Variants in GAB2 observed in about 807,000 individuals in gnomAD.
GAB2 encodes the protein GRB2 associated binding protein 2.
A neutral mutation model predicts 65.5 loss-of-function variants in GAB2; 26 were observed. The observed-to-expected ratio is 0.40, with a 90% CI of 0.29 to 0.55. The LOEUF (loss-of-function observed/expected upper bound fraction) is 0.55. Ranked by LOEUF, GAB2 falls within the 20% of genes least tolerant of loss-of-function variation. The pLI, the probability that GAB2 is intolerant of heterozygous loss-of-function variation, is 0.53. For synonymous variants in GAB2, 321 were observed against 329.6 expected, an observed-to-expected ratio of 0.97 and a Z score of 0.28; for missense variants, 884 against 875.8, an observed-to-expected ratio of 1.01 and a Z score of -0.12.
intron 1 of GAB2, among the ~76,000 whole-genome samples, chr11:78,356,799 A>G (rs73500958): frequency 0.028 from 4,311 of 152,330 alleles, 171 homozygotes; most frequent in African/African-American, 0.091. Flanking sequence ...TTATAGATAC[A>G]ATGGAATATG....
At chr11:78,246,858 C>G (rs577490172) in intron 3 of GAB2, among the ~76,000 whole-genome samples, 2 of 152,200 alleles carry the variant, frequency 1.3e-5, no homozygotes, top group East Asian at 3.9e-4. Context: ...AGTTCTGTCT[C>G]TCCTCCTGTG....
At chr11:78,369,246 A>G (rs890695741) in intron 1 of GAB2, among the ~76,000 whole-genome samples, 15 of 152,088 alleles carry the variant, frequency 9.9e-5, no homozygotes, top group Non-Finnish European at 1.9e-4. Context: ...CAATCATTGC[A>G]TTAGAAACTT....
intron 1 of GAB2, among the ~76,000 whole-genome samples, chr11:78,386,571 G>C (rs1396906959): frequency 1.3e-5 from 2 of 152,218 alleles, no homozygotes; most frequent in African/African-American, 4.8e-5. Context: ...AGGGCCTAAA[G>C]GGAGGCCTGT....
At chr11:78,356,182 GAA>G (rs372223300) in intron 1 of GAB2, among the ~76,000 whole-genome samples, 3 of 123,012 alleles carry the variant, frequency 2.4e-5, no homozygotes, top group Non-Finnish European at 3.6e-5. Flanking sequence ...CAAAAAAAAA[GAA>G]AAAAAAAAAA....
intron 3 of GAB2, among the ~76,000 whole-genome samples, chr11:78,241,609 A>G (rs1424656406): frequency 6.7e-6 from 1 of 149,000 alleles, no homozygotes; most frequent in South Asian, 2.1e-4. Context: ...AAAAAAGAGA[A>G]AGAAAAAAAA....
At chr11:78,324,186 A>C (rs990811732) in intron 1 of GAB2, among the ~76,000 whole-genome samples, 3 of 152,102 alleles carry the variant, frequency 2.0e-5, no homozygotes, top group African/African-American at 7.2e-5. Context: ...ATAAGTACAC[A>C]GGAGGAGACA....
chr11:78,268,899 G>C (rs1865938195), intron 2 of GAB2, among the ~76,000 whole-genome samples: 1 of 152,136 alleles, frequency 6.6e-6, no homozygotes, highest in Non-Finnish European at 1.5e-5. Flanking sequence ...CATTTGCGAG[G>C]ATTTTATGGA....
At chr11:78,297,598 C>T (rs1046944465) in intron 1 of GAB2, among the ~76,000 whole-genome samples, 7 of 151,918 alleles carry the variant, frequency 4.6e-5, no homozygotes, top group African/African-American at 1.2e-4. Flanking sequence ...GAAGAGGAAG[C>T]GAGCTTGGGT....
intron 1 of GAB2, among the ~76,000 whole-genome samples, chr11:78,291,555 CTTT>C (rs796161663): frequency 1.8e-5 from 1 of 55,046 alleles, no homozygotes; most frequent in African/African-American, 6.4e-5. Flanking sequence ...TTACTTTTTT[CTTT>C]TTCTTTTTTT....
intron 1 of GAB2, among the ~76,000 whole-genome samples, chr11:78,351,213 T>C (rs939465732): frequency 6.6e-6 from 1 of 151,912 alleles, no homozygotes; most frequent in Non-Finnish European, 1.5e-5. Flanking sequence ...GAGCCCATTC[T>C]CAGTATTAGA....
intron 1 of GAB2, among the ~76,000 whole-genome samples, chr11:78,355,193 G>A (rs1358458659): frequency 3.3e-5 from 5 of 152,180 alleles, no homozygotes; most frequent in African/African-American, 1.2e-4. Context: ...CACTTTATGT[G>A]ACTTGAGGGA....
At chr11:78,259,513 T>A (rs1045666622) in intron 2 of GAB2, among the ~76,000 whole-genome samples, 1 of 152,214 alleles carries the variant, frequency 6.6e-6, no homozygotes, top group South Asian at 2.1e-4. Context: ...AGGGCAAGAC[T>A]GGATCCAAAG....
intron 1 of GAB2, among the ~76,000 whole-genome samples, chr11:78,306,806 C>G (rs1591021991): frequency 6.6e-6 from 1 of 152,290 alleles, no homozygotes; most frequent in Middle Eastern, 3.4e-3. Flanking sequence ...CTGCATGACC[C>G]TAATGAGTCA....
At chr11:78,278,181 T>C (rs1866228122) in intron 2 of GAB2, among the ~76,000 whole-genome samples, 1 of 151,692 alleles carries the variant, frequency 6.6e-6, no homozygotes, top group African/African-American at 2.4e-5. Flanking sequence ...GCGATTCTTC[T>C]GCCTCAGCCT....
chr11:78,364,499 T>C (rs1856473423), intron 1 of GAB2, among the ~76,000 whole-genome samples: 1 of 152,264 alleles, frequency 6.6e-6, no homozygotes, highest in African/African-American at 2.4e-5. Flanking sequence ...CTACTTTTTG[T>C]ATACTATTTT....
intron 2 of GAB2, among the ~76,000 whole-genome samples, chr11:78,279,290 G>C (rs1866264453): frequency 6.6e-6 from 1 of 152,092 alleles, no homozygotes; most frequent in South Asian, 2.1e-4. Flanking sequence ...AAACTATTAA[G>C]AACTTCAAGA....
At chr11:78,393,810 A>G (rs1300939147) in intron 1 of GAB2, among the ~76,000 whole-genome samples, 1 of 152,266 alleles carries the variant, frequency 6.6e-6, no homozygotes, top group Non-Finnish European at 1.5e-5. Flanking sequence ...GCCTGGCATT[A>G]TCATATTTAA....
In GAB2 at chr11:78,379,574, A is replaced by G. The variant is rs570217140; in HGVS notation, c.75+38072T>C. ...TGGGTCCTGATACCTTCACCATCCT[A>G]TGATTTTCAACAAGCTACTATATTT... On this transcript the variant is annotated intron_variant, in intron 1 of 9. Transcript: ENST00000361507. 2.1e-3 allele frequency among the ~76,000 whole-genome samples: 316 copies of G among 152,340 alleles called. 3 individuals are homozygous for G. The highest frequency in any genetic ancestry group is 2.7e-3 in the Non-Finnish European group (181 of 68,024).
chr11:78,291,315 AATT>A (rs1423054668), intron 1 of GAB2, among the ~76,000 whole-genome samples: 6 of 147,138 alleles, frequency 4.1e-5, no homozygotes, highest in Non-Finnish European at 6.1e-5. Flanking sequence ...AAAAAAAAAA[AATT>A]AGCCAGGCGT....
Sources: gnomAD v4.1 joint callset for allele counts (sites outside exome capture counted in the v4.1 genomes callset) on GRCh38, gnomAD v4.1.1 for gene constraint, MANE v1.5 for transcripts, NCBI Gene and HGNC (gene_info 2026-07-23, HGNC 2026-07-21) for gene names.